The following EIF2AK4 variants were observed in gnomAD, a reference collection of about 807,000 sequenced individuals.
EIF2AK4 encodes eIF-2-alpha kinase GCN2.
A neutral mutation model predicts 211.1 loss-of-function variants in EIF2AK4; 139 were observed. The ratio of observed to expected loss-of-function variants is 0.66; its 90% CI spans 0.57 to 0.76. The LOEUF (loss-of-function observed/expected upper bound fraction) is 0.76, where lower values mean the gene tolerates loss of function less well. EIF2AK4 is among the 30% of genes least tolerant of loss of function. The pLI is 0.00. For missense variants in EIF2AK4, 1,664 were observed against 2,043.8 expected, an observed-to-expected ratio of 0.81 and a Z score of 3.58; for synonymous variants, 710 against 751.3, an observed-to-expected ratio of 0.94 and a Z score of 0.90.
chr15:40,020,181 A>G (rs1044030421), intron 30 of EIF2AK4, among the ~76,000 whole-genome samples: 4 of 151,612 alleles, frequency 2.6e-5, no homozygotes, highest in Admixed American at 2.6e-4. Flanking sequence ...AAAAAAAAGA[A>G]AAAAGAAAAG....
At chr15:39,942,899 CG>C (rs2034166865) in intron 2 of EIF2AK4, among the ~76,000 whole-genome samples, 1 of 152,190 alleles carries the variant, frequency 6.6e-6, no homozygotes, top group Non-Finnish European at 1.5e-5. Context: ...GAATGCAGAG[CG>C]CTTGGCCTTG....
At position 39,997,105 on chromosome 15, in the gene EIF2AK4, C is replaced by T. The variant is rs79399339; in HGVS notation, c.2868+40C>T. 1,617 of 1,378,304 alleles carry T rather than the reference C, an allele frequency of 1.2e-3. 9 individuals carry two copies. The African/African-American group carries it at 0.021, about 18-fold the overall frequency. The allele number at this position is 1,378,304 out of a possible 1,614,324, so 85.4% of individuals were successfully genotyped here. On this transcript the variant is annotated intron_variant, in intron 19 of 38. Transcript: ENST00000263791. ...TTTTAGTGCCTACATTTTCAGTAACCGGAATCTTAGCACAGAGATCAGAAT... is the reference window on the plus strand; with the variant it reads ...TTTTAGTGCCTACATTTTCAGTAACTGGAATCTTAGCACAGAGATCAGAAT...
At position 39,939,527 on chromosome 15, in the gene EIF2AK4, A is replaced by G. The variant is rs1447503510; in HGVS notation, c.167A>G (p.Asn56Ser). ...CGPVKEPPEI[N>S]LVLYPQGLTG... ...TAGGTCAAAGAGCCCCCTGAAATCA[A>G]TTTAGTTTTGTACCCTCAAGGCCTA... The change falls in exon 2 of 39, where the codon AAT (asparagine) becomes AGT (serine). Residue 56 changes from asparagine (N) to serine (S), a missense_variant. Around this residue, in one of 7 missense-constraint regions of EIF2AK4, gnomAD observed 641 missense variants for 729.6 expected, o/e 0.88. Coordinates refer to ENST00000263791, the MANE Select transcript of EIF2AK4 (RefSeq NM_001013703.4). 6.8e-6 allele frequency: 11 copies of G among 1,606,480 alleles called. No individual in the cohort carries two copies. The highest frequency in any genetic ancestry group is 6.8e-6 in the Non-Finnish European group (8 of 1,176,042).
intron 6 of EIF2AK4, among the ~76,000 whole-genome samples, chr15:39,959,945 C>T (rs570590704): frequency 1.2e-4 from 18 of 152,122 alleles, no homozygotes; most frequent in Admixed American, 9.2e-4. Context: ...GGGCAGATCA[C>T]GAGGTCAGGA....
At position 40,002,706 on chromosome 15, in the gene EIF2AK4, G is replaced by A. The variant is rs1191405603; in HGVS notation, c.3160-7G>A. On this transcript the variant is annotated splice_polypyrimidine_tract_variant and splice_region_variant and intron_variant, in intron 21 of 38. Transcript: ENST00000263791. ...CAATGATGATGTTTTAATCGGTCCT[G>A]TTTTAGGGCAACTTCTCAATCCGTA... 1.2e-6 allele frequency: 2 copies of A among 1,614,122 alleles called. No homozygotes were observed. Among genetic ancestry groups the A allele is most frequent in the Admixed American group, 1.7e-5 (1 of 60,016 alleles).
chr15:40,022,210 G>GTGTGTGTT (rs1567008339), intron 31 of EIF2AK4: 1 of 235,092 alleles, frequency 4.3e-6, no homozygotes, highest in Non-Finnish European at 8.1e-6. Flanking sequence ...GTGTGTGTGT[G>GTGTGTGTT]TGTGTATGTT....
chr15:40,018,996 A>G, intron 29 of EIF2AK4, 97 bp from the exon 30 acceptor site: 3 of 849,676 alleles, frequency 3.5e-6, no homozygotes, highest in Non-Finnish European at 5.6e-6. Flanking sequence ...TTTGATGATG[A>G]GCTGCTGACA....
intron 20 of EIF2AK4, among the ~76,000 whole-genome samples, chr15:39,999,656 T>C (rs541443489): frequency 6.6e-6 from 1 of 152,312 alleles, no homozygotes; most frequent in African/African-American, 2.4e-5. Flanking sequence ...CATTGTGTCA[T>C]TTGGTAAGTT....
intron 9 of EIF2AK4, among the ~76,000 whole-genome samples, chr15:39,970,645 A>C (rs1001749645): frequency 2.0e-5 from 3 of 152,178 alleles, no homozygotes; most frequent in African/African-American, 7.2e-5. Flanking sequence ...ATCAAAAAAC[A>C]ATACTATTTT....
intron 3 of EIF2AK4, among the ~76,000 whole-genome samples, chr15:39,947,249 A>C (rs1281351840): frequency 6.6e-6 from 1 of 152,186 alleles, no homozygotes; most frequent in Non-Finnish European, 1.5e-5. Flanking sequence ...TTTTCAAGTA[A>C]AATAGAGTAT....
At position 39,978,369 on chromosome 15, in the gene EIF2AK4, G is replaced by T. The variant is rs575573617; in HGVS notation, c.2319+222G>T. 6 of 276,672 alleles carry T rather than the reference G, an allele frequency of 2.2e-5. No individual in the cohort carries two copies. The South Asian group carries it at 8.1e-4, about 37-fold the overall frequency. 17.1% of individuals were successfully genotyped at this position (276,672 alleles called of 1,614,324 possible). On this transcript the variant is annotated intron_variant, in intron 13 of 38. Coordinates refer to ENST00000263791, the MANE Select transcript of EIF2AK4 (RefSeq NM_001013703.4). ...AAACATACCTCCTTTTAGAAGAGAG[G>T]AGTCAGTTGAGACACTGCATTTTTG...
At chr15:39,953,579 G>C (rs556052739) in intron 4 of EIF2AK4, among the ~76,000 whole-genome samples, 1 of 152,312 alleles carries the variant, frequency 6.6e-6, no homozygotes, top group Admixed American at 6.5e-5. Context: ...TATCAAACAG[G>C]AGGAGCTAAG....
At chr15:40,004,354 C>CT (rs2035131967) in intron 23 of EIF2AK4, among the ~76,000 whole-genome samples, 1 of 152,102 alleles carries the variant, frequency 6.6e-6, no homozygotes, top group South Asian at 2.1e-4. Context: ...AACTGTCTGT[C>CT]TGTTTATCAG....
rs754250538 is a variant in EIF2AK4 at position 40,032,706 on chromosome 15, A to G, written c.4729-51A>G. 4 of 1,553,102 alleles carry G rather than the reference A, an allele frequency of 2.6e-6. No homozygotes were observed. In the South Asian group the frequency reaches 4.5e-5, roughly 18 times the overall value. ...GCATTTCACGTGACACTATGGTCAC[A>G]AGGCAGTATTGTGCTGCTGAGAGTT... On this transcript the variant is annotated intron_variant, in intron 36 of 38. Transcript: ENST00000263791.
chr15:39,982,797 G>C (rs2034810865), intron 13 of EIF2AK4, among the ~76,000 whole-genome samples: 1 of 152,026 alleles, frequency 6.6e-6, no homozygotes, highest in Non-Finnish European at 1.5e-5. Flanking sequence ...AAAACATGCA[G>C]TGTTTGGTTT....
intron 23 of EIF2AK4, among the ~76,000 whole-genome samples, chr15:40,005,809 G>T (rs534908304): frequency 2.8e-4 from 42 of 152,100 alleles, no homozygotes; most frequent in Non-Finnish European, 5.4e-4. Context: ...CTGACCTCGT[G>T]ATCCGCCCAC....
At chr15:40,021,246 C>T (rs2140945598) in intron 31 of EIF2AK4, among the ~76,000 whole-genome samples, 1 of 152,270 alleles carries the variant, frequency 6.6e-6, no homozygotes, top group East Asian at 1.9e-4. Context: ...AATCCAAAAG[C>T]ACTTTCACTG....
chr15:40,034,250 T>C, intron 37 of EIF2AK4, 76 bp from the exon 38 acceptor site: 2 of 1,109,060 alleles, frequency 1.8e-6, no homozygotes, highest in Non-Finnish European at 2.7e-6. Context: ...ACACTGGAAT[T>C]TCATTAGTGA....
intron 25 of EIF2AK4, among the ~76,000 whole-genome samples, 164 bp from the exon 26 acceptor site, chr15:40,009,450 C>T (rs1287940812): frequency 6.6e-6 from 1 of 151,580 alleles, no homozygotes; most frequent in Non-Finnish European, 1.5e-5. Flanking sequence ...CTGACTATAA[C>T]AGTGCAAAAA....
Sources: gnomAD v4.1 joint callset for allele counts (sites outside exome capture counted in the v4.1 genomes callset) on GRCh38, gnomAD v4.1.1 for gene constraint, gnomAD v4.1.1 regional missense constraint, MANE v1.5 for transcripts, NCBI Gene and HGNC (gene_info 2026-07-23, HGNC 2026-07-21) for gene names.